The following CRB1 variants were observed in gnomAD, a reference collection of about 807,000 sequenced individuals.
CRB1 encodes protein crumbs homolog 1.
A neutral mutation model predicts 120.0 loss-of-function variants in CRB1; 83 were observed. The ratio of observed to expected loss-of-function variants is 0.69; its 90% CI spans 0.58 to 0.83. CRB1 has a LOEUF of 0.83. CRB1 is among the 40% of genes least tolerant of loss of function. The pLI is 0.00. For missense variants in CRB1, 1,699 were observed against 1,687.6 expected, an observed-to-expected ratio of 1.01 and a Z score of -0.12; for synonymous variants, 625 against 612.5, an observed-to-expected ratio of 1.02 and a Z score of -0.30.
intron 5 of CRB1, among the ~76,000 whole-genome samples, chr1:197,385,827 A>G (rs984288116): frequency 5.3e-5 from 8 of 152,118 alleles, no homozygotes; most frequent in Admixed American, 2.0e-4. Context: ...TCTCTTTTTA[A>G]TGACCCAAAA....
intron 5 of CRB1, among the ~76,000 whole-genome samples, chr1:197,410,377 C>T (rs989623982): frequency 5.9e-5 from 9 of 152,138 alleles, no homozygotes; most frequent in South Asian, 2.1e-4. Context: ...GTTGAGGTCA[C>T]GTACAGGGAC....
chr1:197,308,752 A>C (rs919623466), intron 1 of CRB1, among the ~76,000 whole-genome samples: 3 of 151,698 alleles, frequency 2.0e-5, no homozygotes, highest in Non-Finnish European at 4.4e-5. Flanking sequence ...GATAATAGTG[A>C]TTACTACTAA....
At chr1:197,405,047 C>T (rs1663272597) in intron 5 of CRB1, among the ~76,000 whole-genome samples, 1 of 150,690 alleles carries the variant, frequency 6.6e-6, no homozygotes, top group Non-Finnish European at 1.5e-5. Flanking sequence ...TCGCCCTCGC[C>T]CTCTCCCTCT....
chr1:197,372,882 C>T (rs1331709209), intron 5 of CRB1, among the ~76,000 whole-genome samples: 2 of 152,046 alleles, frequency 1.3e-5, no homozygotes, highest in Admixed American at 6.6e-5. Flanking sequence ...TTTTATAACA[C>T]CTGGACAGGG....
chr1:197,455,955 G>A (rs1193545545), intron 11 of CRB1, among the ~76,000 whole-genome samples: 1 of 151,836 alleles, frequency 6.6e-6, no homozygotes, highest in African/African-American at 2.4e-5. Context: ...AAACCAAATA[G>A]GCTATTTGCA....
chr1:197,260,087 G>C, the CRB1 span, among the ~76,000 whole-genome samples: 1 of 151,918 alleles, frequency 6.6e-6, no homozygotes, highest in Non-Finnish European at 1.5e-5. Flanking sequence ...TCAGGCTGCT[G>C]TGGCCACAAA....
At chr1:197,403,173 T>C (rs1375979979) in intron 5 of CRB1, among the ~76,000 whole-genome samples, 1 of 152,210 alleles carries the variant, frequency 6.6e-6, no homozygotes, top group Non-Finnish European at 1.5e-5. Context: ...TAGGAATACA[T>C]AATGTATGTA....
At chr1:197,402,172 T>C (rs1663098261) in intron 5 of CRB1, among the ~76,000 whole-genome samples, 1 of 152,128 alleles carries the variant, frequency 6.6e-6, no homozygotes, top group African/African-American at 2.4e-5. Context: ...ACTCAATAGT[T>C]ATTTAGTTAT....
At chr1:197,313,567 G>A (rs894361533) in intron 1 of CRB1, among the ~76,000 whole-genome samples, 1 of 152,038 alleles carries the variant, frequency 6.6e-6, no homozygotes, top group East Asian at 1.9e-4. Flanking sequence ...ATCAAATTGC[G>A]TTTTTGTACC....
chr1:197,241,926 C>A, the CRB1 span, among the ~76,000 whole-genome samples: 2 of 151,940 alleles, frequency 1.3e-5, no homozygotes, highest in Non-Finnish European at 2.9e-5. Flanking sequence ...AAGTTGTATT[C>A]CTAGGTATTT....
At chr1:197,353,023 A>G (rs891505930) in intron 4 of CRB1, among the ~76,000 whole-genome samples, 1 of 152,228 alleles carries the variant, frequency 6.6e-6, no homozygotes, top group African/African-American at 2.4e-5. Flanking sequence ...ACTGGTAAAT[A>G]AAATGAACAC....
At chr1:197,477,633 A>T in intron 11 of CRB1, 31 bp from the exon 12 acceptor site, 2 of 1,601,068 alleles carry the variant, frequency 1.2e-6, no homozygotes, top group Non-Finnish European at 1.7e-6. Flanking sequence ...TTGCTATAGA[A>T]TTCGCATCCC....
intron 2 of CRB1, among the ~76,000 whole-genome samples, chr1:197,331,366 A>T (rs1764786): frequency 4.6e-5 from 7 of 152,024 alleles, no homozygotes; most frequent in Admixed American, 2.0e-4. Flanking sequence ...TATGATGCTA[A>T]AATGCTTATG....
chr1:197,295,954 T>C (rs540926680), intron 1 of CRB1, among the ~76,000 whole-genome samples: 5 of 143,300 alleles, frequency 3.5e-5, no homozygotes, highest in African/African-American at 1.3e-4. Context: ...AAAGATAGCA[T>C]CTTAACTCTT....
the CRB1 span, among the ~76,000 whole-genome samples, chr1:197,205,226 T>C: frequency 6.6e-6 from 1 of 152,146 alleles, no homozygotes; most frequent in Admixed American, 6.5e-5. Flanking sequence ...ACTTCTTCAC[T>C]GATTTGGATG....
At chr1:197,387,830 G>A (rs780805887) in intron 5 of CRB1, among the ~76,000 whole-genome samples, 3 of 151,812 alleles carry the variant, frequency 2.0e-5, no homozygotes, top group Non-Finnish European at 2.9e-5. Flanking sequence ...ACACAAAAGC[G>A]TGGGGAGGCT....
At chr1:197,460,875 T>A (rs556523578) in intron 11 of CRB1, among the ~76,000 whole-genome samples, 3 of 152,128 alleles carry the variant, frequency 2.0e-5, no homozygotes, top group African/African-American at 7.2e-5. Flanking sequence ...AAGTTTATCA[T>A]GGGACCAACT....
Position 197,344,488 on chromosome 1 carries a change from C to T in CRB1, c.848+12C>T, listed in dbSNP as rs770826631. ...GATGGAGAAAACAGGTACATTTTCT[C>T]TGGCGTTGGGTGATTGGCTTAGAAC... On this transcript the variant is annotated intron_variant, in intron 3 of 11. Transcript: ENST00000367400. 4 of 1,613,038 alleles carry T rather than the reference C, an allele frequency of 2.5e-6. No homozygotes were observed. Among genetic ancestry groups the T allele is most frequent in the Non-Finnish European group, 3.4e-6 (4 of 1,179,098 alleles).
At chr1:197,285,221 G>A (rs1028556478) in intron 1 of CRB1, among the ~76,000 whole-genome samples, 42 of 151,834 alleles carry the variant, frequency 2.8e-4, no homozygotes, top group African/African-American at 1.0e-3. Context: ...CCAAGAGCAC[G>A]GCTTATAAGA....
Sources: gnomAD v4.1 joint callset for allele counts (sites outside exome capture counted in the v4.1 genomes callset) on GRCh38, gnomAD v4.1.1 for gene constraint, MANE v1.5 for transcripts, NCBI Gene and HGNC (gene_info 2026-07-23, HGNC 2026-07-21) for gene names.